Variants in SLC39A8 observed in about 807,000 individuals in gnomAD.
The protein encoded by SLC39A8 is solute carrier family 39 member 8.
A neutral mutation model predicts 40.4 loss-of-function variants in SLC39A8; 15 were observed. The observed-to-expected ratio is 0.37, with a 90% CI of 0.25 to 0.57. The LOEUF (loss-of-function observed/expected upper bound fraction) is 0.57, where lower values mean the gene tolerates loss of function less well. SLC39A8 is among the 20% of genes least tolerant of loss of function. The pLI is 0.75. For missense variants in SLC39A8, 472 were observed against 558.8 expected, an observed-to-expected ratio of 0.84 and a Z score of 1.57; for synonymous variants, 223 against 221.6, an observed-to-expected ratio of 1.01 and a Z score of -0.06.
At chr4:102,321,837 GGGA>G (rs1204930331) in intron 2 of SLC39A8, among the ~76,000 whole-genome samples, 1 of 152,224 alleles carries the variant, frequency 6.6e-6, no homozygotes. Flanking sequence ...ATAGCTGAGT[GGGA>G]GTAGTGGAGC....
chr4:102,312,534 A>G (rs1734476306), intron 3 of SLC39A8, among the ~76,000 whole-genome samples: 1 of 152,108 alleles, frequency 6.6e-6, no homozygotes, highest in Non-Finnish European at 1.5e-5. Flanking sequence ...TTACTTTTGA[A>G]TATGAGTAAT....
At chr4:102,313,886 C>A (rs926588818) in intron 3 of SLC39A8, among the ~76,000 whole-genome samples, 1 of 152,014 alleles carries the variant, frequency 6.6e-6, no homozygotes, top group Non-Finnish European at 1.5e-5. Flanking sequence ...CCGTGCCTAG[C>A]CCCAGTGTCT....
intron 2 of SLC39A8, among the ~76,000 whole-genome samples, chr4:102,319,345 G>T (rs953975082): frequency 1.6e-4 from 25 of 152,162 alleles, no homozygotes; most frequent in South Asian, 2.1e-4. Context: ...AATAAATGCT[G>T]AATCTGAAAG....
intron 2 of SLC39A8, among the ~76,000 whole-genome samples, chr4:102,329,755 T>C (rs1735368959): frequency 6.6e-6 from 1 of 152,068 alleles, no homozygotes; most frequent in Admixed American, 6.6e-5. Flanking sequence ...TCGCACTTAT[T>C]CTAAAATTGA....
chr4:102,331,473 C>G (rs1479651156), intron 2 of SLC39A8, among the ~76,000 whole-genome samples: 2 of 152,110 alleles, frequency 1.3e-5, no homozygotes, highest in Admixed American at 1.3e-4. Flanking sequence ...TGTGAAGGAC[C>G]TCTTCTAGGA....
intron 6 of SLC39A8, among the ~76,000 whole-genome samples, chr4:102,273,116 G>C (rs1732446268): frequency 6.6e-6 from 1 of 152,162 alleles, no homozygotes; most frequent in Non-Finnish European, 1.5e-5. Context: ...CCCCTGGAAA[G>C]GGGGCTGAAG....
At chr4:102,258,562 G>A (rs1731766461), downstream of SLC39A8, among the ~76,000 whole-genome samples, 1 of 152,054 alleles carries the variant, frequency 6.6e-6, no homozygotes, top group Admixed American at 6.5e-5. Flanking sequence ...TAAGACTTCT[G>A]GGAAGGAATC....
intron 2 of SLC39A8, among the ~76,000 whole-genome samples, chr4:102,322,626 C>G (rs1236532093): frequency 6.6e-6 from 1 of 152,110 alleles, no homozygotes; most frequent in Non-Finnish European, 1.5e-5. Flanking sequence ...ACCATCTGAT[C>G]CTGTACCATT....
rs932035660 is a variant in SLC39A8 at position 102,261,679 on chromosome 4, G to T, written c.*1365C>A. 297 of 975,664 alleles carry T rather than the reference G, an allele frequency of 3.0e-4. No individual in the cohort carries two copies. The highest frequency in any genetic ancestry group is 3.5e-4 in the Non-Finnish European group (288 of 820,704). The allele number at this position is 975,664 out of a possible 1,614,324, so 60.4% of individuals were successfully genotyped here. ...TGACACAATACATGGTTTCAAAAGG[G>T]TGTTTACTATTTGGCCAAACAATAT... On this transcript the variant is annotated 3_prime_UTR_variant, in exon 9 of 9. Transcript: ENST00000356736.
chr4:102,305,135 C>T (rs1734113869), intron 4 of SLC39A8, 24 bp from the exon 5 acceptor site: 1 of 1,594,122 alleles, frequency 6.3e-7, no homozygotes, highest in African/African-American at 1.4e-5. Flanking sequence ...AAGGGCAATT[C>T]AAGTAAAACC....
chr4:102,327,058 G>A (rs1201679485), intron 2 of SLC39A8, among the ~76,000 whole-genome samples: 1 of 152,276 alleles, frequency 6.6e-6, no homozygotes, highest in East Asian at 1.9e-4. Context: ...AAGGCAGGAG[G>A]ATCACTTAAG....
chr4:102,267,337 T>C lies in SLC39A8; in HGVS notation c.1233+153A>G, dbSNP rs146529422. On this transcript the variant is annotated intron_variant, in intron 8 of 8. Coordinates refer to ENST00000356736, the MANE Select transcript of SLC39A8 (RefSeq NM_001135146.2). ...TTACTATTAGTGTAAACTACTCAAG[T>C]AGAATGATCTGTTGAAATGGGATTG... is the stretch of plus-strand genomic sequence containing the variant. 8.5e-3 allele frequency among the ~76,000 whole-genome samples: 1,296 copies of C among 152,360 alleles called. 12 individuals are homozygous for C. Among genetic ancestry groups the C allele is most frequent in the Admixed American group, 0.018 (279 of 15,310 alleles).
At chr4:102,278,610 G>T (rs233828) in intron 6 of SLC39A8, among the ~76,000 whole-genome samples, 25,435 of 151,236 alleles carry the variant, frequency 0.17, 2,542 homozygotes, top group Non-Finnish European at 0.23. Flanking sequence ...AACCAGAAAT[G>T]CCATTTGACC....
chr4:102,322,014 T>C (rs1375348925), intron 2 of SLC39A8, among the ~76,000 whole-genome samples: 1 of 152,166 alleles, frequency 6.6e-6, no homozygotes, highest in Non-Finnish European at 1.5e-5. Context: ...TCTGTGGTTT[T>C]TGCCTTCCTG....
intron 11 of SLC39A8, among the ~76,000 whole-genome samples, chr4:102,256,335 TA>T: frequency 6.6e-6 from 1 of 152,334 alleles, no homozygotes; most frequent in East Asian, 1.9e-4. Flanking sequence ...AGGATTCCCA[TA>T]AGGCATAAAC....
intron 2 of SLC39A8, among the ~76,000 whole-genome samples, chr4:102,333,186 A>T (rs1735537740): frequency 6.6e-6 from 1 of 152,162 alleles, no homozygotes; most frequent in Non-Finnish European, 1.5e-5. Context: ...ATGTGTATAT[A>T]TATACATATA....
downstream of SLC39A8, among the ~76,000 whole-genome samples, chr4:102,261,429 A>G (rs932112382): frequency 1.3e-5 from 2 of 152,258 alleles, no homozygotes; most frequent in African/African-American, 4.8e-5. Context: ...GAAACAGTCT[A>G]CTAGGTAGGG....
At chr4:102,334,117 T>C (rs981163177) in intron 2 of SLC39A8, among the ~76,000 whole-genome samples, 3 of 152,150 alleles carry the variant, frequency 2.0e-5, no homozygotes, top group Non-Finnish European at 2.9e-5. Context: ...GAATAGTGAC[T>C]GAGAGGTGAG....
rs372568338 is a variant in SLC39A8, at chr4:102,344,903, C to T, written c.-241G>A. On this transcript the variant is annotated 5_prime_UTR_variant, in exon 2 of 9. Coordinates refer to ENST00000356736, the MANE Select transcript of SLC39A8 (RefSeq NM_001135146.2). ...GCGATAGGCGGAGTGGGCCCCCCGG[C>T]CTCCTGGAGAGCCTGAGATAAAGAG... 5 of 1,293,238 alleles carry T rather than the reference C, an allele frequency of 3.9e-6. No homozygotes were observed. The African/African-American group carries it at 6.2e-5, about 16-fold the overall frequency. 80.1% of individuals were successfully genotyped at this position (1,293,238 alleles called of 1,614,324 possible).
Sources: gnomAD v4.1 joint callset for allele counts (sites outside exome capture counted in the v4.1 genomes callset) on GRCh38, gnomAD v4.1.1 for gene constraint, MANE v1.5 for transcripts, NCBI Gene and HGNC (gene_info 2026-07-23, HGNC 2026-07-21) for gene names.